SYNE1: variants seen among roughly 807,000 people sequenced by gnomAD.
SYNE1 encodes the protein nesprin-1.
In SYNE1, 616 loss-of-function variants were observed where a neutral mutation model predicts 1,111.0. The ratio of observed to expected loss-of-function variants is 0.55; its 90% CI spans 0.52 to 0.59. The LOEUF (loss-of-function observed/expected upper bound fraction) is 0.59. Among genes scored for constraint, SYNE1 ranks in the 20% least tolerant of loss-of-function variants. SYNE1 has a pLI of 0.00. For synonymous variants in SYNE1, 3,855 were observed against 3,825.8 expected, an observed-to-expected ratio of 1.01 and a Z score of -0.28; for missense variants, 10,006 against 10,417.0, an observed-to-expected ratio of 0.96 and a Z score of 1.72.
intron 62 of SYNE1, among the ~76,000 whole-genome samples, chr6:152,365,618 G>A (rs1038297522): frequency 2.0e-5 from 3 of 151,366 alleles, no homozygotes; most frequent in Admixed American, 6.6e-5. Flanking sequence ...TGCTGCCATG[G>A]CCAGCTAATT....
At chr6:152,480,839 C>T (rs566815246) in intron 14 of SYNE1, 5 of 455,462 alleles carry the variant, frequency 1.1e-5, no homozygotes, top group South Asian at 7.8e-5. Flanking sequence ...TAACCATTTT[C>T]TCCAACTCCT....
At chr6:152,297,800 TGTGTGTGTGTGTGTGTGTGTGTGC>T (rs1180999267) in intron 93 of SYNE1, among the ~76,000 whole-genome samples, 2 of 96,956 alleles carry the variant, frequency 2.1e-5, no homozygotes, top group Non-Finnish European at 4.3e-5. Flanking sequence ...TGTGTGTGTG[TGTGTGTGTGTGTGTGTGTGTGTGC>T]GCGCGCACGT....
rs1341460576 is a variant in SYNE1, at chr6:152,354,849, C to T, written c.10736G>A (p.Trp3579Ter). The T allele has an allele frequency of 1.2e-6, 2 of 1,614,170 alleles. No homozygotes were observed. Among genetic ancestry groups the T allele is most frequent in the African/African-American group, 1.3e-5 (1 of 75,012 alleles). Residue 3579 changes from tryptophan (W) to a stop codon, truncating the protein, a stop_gained, in exon 67 of 146, where the codon TGG becomes TAG. Coordinates refer to ENST00000367255, the MANE Select transcript of SYNE1 (RefSeq NM_182961.4). LOFTEE classifies it high-confidence loss of function. ...GGACAGCCTGTGCTGGTAAGCCTGC[C>T]AGTCTTGCCGGAGAGACTCTAAAGC... ...DRALESLRQDWQAYQHRLSET... is the reference protein window; with the variant it reads ...DRALESLRQD
At chr6:152,320,783 C>T (rs552435985) in intron 84 of SYNE1, among the ~76,000 whole-genome samples, 12 of 152,200 alleles carry the variant, frequency 7.9e-5, no homozygotes, top group South Asian at 4.2e-4. Context: ...GGGACCCACC[C>T]GCATGCATTT....
intron 23 of SYNE1, 134 bp downstream of exon 23, chr6:152,455,752 A>G: frequency 7.1e-7 from 1 of 1,402,486 alleles, no homozygotes; most frequent in Non-Finnish European, 9.9e-7. Context: ...TAGGTAAAAA[A>G]GTAGGACAAT....
chr6:152,185,734 A>T (rs1310628549), intron 128 of SYNE1, among the ~76,000 whole-genome samples: 5 of 152,250 alleles, frequency 3.3e-5, no homozygotes, highest in Admixed American at 2.6e-4. Context: ...TATTTACAGC[A>T]TATCGCATGA....
intron 105 of SYNE1, among the ~76,000 whole-genome samples, chr6:152,247,746 TATATACAC>T (rs1399112145): frequency 1.1e-5 from 1 of 92,232 alleles, no homozygotes; most frequent in African/African-American, 5.7e-5. Context: ...TATATATATA[TATATACAC>T]ACACACACAC....
intron 65 of SYNE1, among the ~76,000 whole-genome samples, chr6:152,358,805 C>T (rs2096882601): frequency 1.3e-5 from 2 of 152,150 alleles, no homozygotes; most frequent in Admixed American, 6.5e-5. Flanking sequence ...GAAATGAATT[C>T]ACTTTACTAA....
rs182444874 is a variant in SYNE1 at position 152,300,721 on chromosome 6, C to T, written c.17602G>A (p.Gly5868Arg). ...SPVTEESGEE[G>R]TNSEISSPPA... ...GGAGAGGAAATCTCACTGTTGGTTCCCTCCTCCCCAGACTCCTCAGTGACC... is the reference window on the plus strand; with the variant it reads ...GGAGAGGAAATCTCACTGTTGGTTCTCTCCTCCCCAGACTCCTCAGTGACC... The change falls in exon 93 of 146, where the codon GGA becomes AGA. Residue 5868 changes from glycine to arginine, a missense_variant. By Grantham distance (125) the Gly-to-Arg change is moderately radical. Coordinates refer to ENST00000367255, the MANE Select transcript of SYNE1 (RefSeq NM_182961.4). 16 of 1,614,146 alleles carry T rather than the reference C, an allele frequency of 9.9e-6. No homozygotes were observed. The East Asian group carries it at 3.1e-4, about 31-fold the overall frequency.
intron 3 of SYNE1, among the ~76,000 whole-genome samples, chr6:152,594,582 A>T (rs1156624265): frequency 6.6e-6 from 1 of 152,258 alleles, no homozygotes; most frequent in Non-Finnish European, 1.5e-5. Flanking sequence ...TATAGGAAAC[A>T]GGGTGAATTA....
chr6:152,429,988 C>G, intron 36 of SYNE1, 124 bp downstream of exon 36: 2 of 696,476 alleles, frequency 2.9e-6, no homozygotes, highest in Admixed American at 4.4e-5. Context: ...TATATAATTA[C>G]TCAACTAATA....
At chr6:152,301,767 A>C (rs2095179012) in intron 92 of SYNE1, 102 bp downstream of exon 92, 2 of 1,292,844 alleles carry the variant, frequency 1.5e-6, no homozygotes, top group African/African-American at 3.0e-5. Flanking sequence ...AATCTGCAAG[A>C]TCGAAGGCTG....
intron 95 of SYNE1, among the ~76,000 whole-genome samples, chr6:152,285,773 T>C (rs556760605): frequency 2.6e-4 from 40 of 152,330 alleles, no homozygotes; most frequent in African/African-American, 9.6e-4. Flanking sequence ...CATCATTCTC[T>C]CTCATAGCAC....
At chr6:152,140,896 G>A (rs533701406) in intron 139 of SYNE1, among the ~76,000 whole-genome samples, 39 of 152,212 alleles carry the variant, frequency 2.6e-4, no homozygotes, top group African/African-American at 8.9e-4. Flanking sequence ...TTAGCTGGGC[G>A]TGGTGGCGGG....
intron 51 of SYNE1, 91 bp downstream of exon 51, chr6:152,395,421 CAACT>C: frequency 9.6e-6 from 13 of 1,347,706 alleles, no homozygotes; most frequent in Non-Finnish European, 1.3e-5. Context: ...ACCCACAAAC[CAACT>C]AACTAACCAA....
At chr6:152,273,448 AT>A (rs1348076511) in intron 98 of SYNE1, among the ~76,000 whole-genome samples, 3 of 152,198 alleles carry the variant, frequency 2.0e-5, no homozygotes, top group Admixed American at 1.3e-4. Context: ...GTTCTAAAGA[AT>A]TTTTTTAAGT....
At chr6:152,404,418 A>G in intron 45 of SYNE1, 104 bp from the exon 46 acceptor site, 1 of 824,288 alleles carries the variant, frequency 1.2e-6, no homozygotes, top group Non-Finnish European at 2.0e-6. Context: ...CCCCAACTTT[A>G]AGCCAGTGTA....
intron 72 of SYNE1, among the ~76,000 whole-genome samples, chr6:152,348,028 G>A (rs1236781998): frequency 6.6e-6 from 1 of 151,910 alleles, no homozygotes; most frequent in East Asian, 1.9e-4. Context: ...AATTACTTTT[G>A]CACGAATATA....
intron 3 of SYNE1, among the ~76,000 whole-genome samples, chr6:152,577,558 G>A (rs574434453): frequency 2.6e-5 from 4 of 152,070 alleles, no homozygotes; most frequent in South Asian, 2.1e-4. Context: ...GCGTGACCCC[G>A]GGAGGCGGAG....
Sources: gnomAD v4.1 joint callset for allele counts (sites outside exome capture counted in the v4.1 genomes callset) on GRCh38, gnomAD v4.1.1 for gene constraint, MANE v1.5 for transcripts, NCBI Gene and HGNC (gene_info 2026-07-23, HGNC 2026-07-21) for gene names.